ANAPC11: variants seen among roughly 807,000 people sequenced by gnomAD.
ANAPC11 encodes anaphase promoting complex subunit 11.
In ANAPC11, 5 loss-of-function variants were observed where a neutral mutation model predicts 11.8. The ratio of observed to expected loss-of-function variants is 0.42; its 90% confidence interval spans 0.22 to 0.89. The LOEUF (loss-of-function observed/expected upper bound fraction) is 0.89. Ranked by LOEUF, ANAPC11 falls within the 40% of genes least tolerant of loss-of-function variation. The pLI, the probability that ANAPC11 is intolerant of heterozygous loss-of-function variation, is 0.28. For synonymous variants in ANAPC11, 45 were observed against 41.0 expected (o/e 1.10, Z -0.38); for missense variants, 68 against 112.9 (o/e 0.60, Z 1.80).
chr17:81,895,582 G>A (rs868364473), intron 3 of ANAPC11, among the ~76,000 whole-genome samples: 1 of 152,058 alleles, frequency 6.6e-6, no homozygotes, highest in African/African-American at 2.4e-5. Context: ...AGGCCGAGGC[G>A]GGCGGATCAC....
upstream of ANAPC11, chr17:81,891,482 G>C: frequency 1.6e-6 from 2 of 1,214,166 alleles, no homozygotes; most frequent in South Asian, 1.8e-5. Context: ...CGCGGCCCCG[G>C]CCCCCGCCCC....
intron 1 of ANAPC11, among the ~76,000 whole-genome samples, chr17:81,892,299 C>G (rs1015464304): frequency 2.1e-4 from 32 of 151,722 alleles, no homozygotes; most frequent in Admixed American, 2.0e-3. Flanking sequence ...ATCGTGAGAC[C>G]CCCATCTCTA....
At chr17:81,895,050 C>CTTTTTTTTTTTTTTTTTTTTT (rs766422017) in intron 3 of ANAPC11, among the ~76,000 whole-genome samples, 1 of 85,070 alleles carries the variant, frequency 1.2e-5, no homozygotes, top group African/African-American at 5.1e-5. Context: ...TCTTTCTTTT[C>CTTTTTTTTTTTTTTTTTTTTT]TTTTTTTTTT....
intron 3 of ANAPC11, among the ~76,000 whole-genome samples, chr17:81,897,860 G>A (rs1181023356): frequency 6.6e-6 from 1 of 151,942 alleles, no homozygotes; most frequent in Non-Finnish European, 1.5e-5. Flanking sequence ...CAAACTCTTG[G>A]CTCTGTCCTG....
At chr17:81,890,914 C>T, upstream of ANAPC11, 1 of 1,561,780 alleles carries the variant, frequency 6.4e-7, no homozygotes, top group Non-Finnish European at 8.7e-7. Flanking sequence ...CTCTTCCCGG[C>T]CTGAGAGGAT....
At chr17:81,893,867 G>T (rs766240497) in intron 2 of ANAPC11, among the ~76,000 whole-genome samples, 1 of 151,360 alleles carries the variant, frequency 6.6e-6, no homozygotes, top group African/African-American at 2.4e-5. Flanking sequence ...AGAGTGCTGG[G>T]ATCACAGGTG....
At chr17:81,891,594 C>T, upstream of ANAPC11, 1 of 1,397,814 alleles carries the variant, frequency 7.2e-7, no homozygotes, top group Non-Finnish European at 9.3e-7. Context: ...CTCGAGCCCG[C>T]GCGTCAGCAC....
intron 1 of ANAPC11, among the ~76,000 whole-genome samples, 181 bp from the exon 2 acceptor site, chr17:81,893,371 C>A (rs907208224): frequency 5.9e-5 from 9 of 151,980 alleles, no homozygotes; most frequent in Middle Eastern, 3.2e-3. Context: ...GGATTACAGG[C>A]GTGAGCCACT....
At chr17:81,898,554 C>T (rs149676114) in intron 3 of ANAPC11, 1 of 152,432 alleles carries the variant, frequency 6.6e-6, no homozygotes, top group East Asian at 1.9e-4. Flanking sequence ...ACGCGCAAAG[C>T]GTTTGACGAG....
chr17:81,899,287 C>T (rs543571216), intron 3 of ANAPC11: 290 of 1,612,860 alleles, frequency 1.8e-4, no homozygotes, highest in Admixed American at 4.7e-4. Context: ...GGCTGGTGCC[C>T]GCAGCCTGTG....
chr17:81,895,982 T>C (rs1264976300), intron 3 of ANAPC11, among the ~76,000 whole-genome samples: 1 of 151,586 alleles, frequency 6.6e-6, no homozygotes, highest in African/African-American at 2.4e-5. Context: ...ATTTGAAAAT[T>C]CTCAAAATTG....
chr17:81,900,319 A>G, downstream of ANAPC11: 1 of 568,768 alleles, frequency 1.8e-6, no homozygotes, highest in Admixed American at 3.3e-5. Context: ...TTTTGATATG[A>G]AAACTCTCAT....
At chr17:81,896,611 G>A (rs1160997742) in intron 3 of ANAPC11, among the ~76,000 whole-genome samples, 2 of 152,018 alleles carry the variant, frequency 1.3e-5, no homozygotes, top group Non-Finnish European at 2.9e-5. Flanking sequence ...GTGGGGAATG[G>A]GGAGGACCGA....
chr17:81,891,576 G>A, upstream of ANAPC11: 2 of 1,435,740 alleles, frequency 1.4e-6, no homozygotes, highest in South Asian at 1.3e-5. Context: ...CGCGGAATCG[G>A]GCATCGGCTC....
upstream of ANAPC11, chr17:81,891,134 G>C: frequency 1.6e-6 from 1 of 607,492 alleles, no homozygotes; most frequent in East Asian, 4.0e-5. Context: ...CTCCGGGACC[G>C]GACCCCGAAA....
At chr17:81,897,709 C>T (rs2039790730) in intron 3 of ANAPC11, among the ~76,000 whole-genome samples, 1 of 152,114 alleles carries the variant, frequency 6.6e-6, no homozygotes, top group Non-Finnish European at 1.5e-5. Context: ...GTCTTGAACT[C>T]CTGGGCTCAA....
downstream of ANAPC11, chr17:81,900,274 C>A: frequency 1.4e-6 from 1 of 705,874 alleles, no homozygotes; most frequent in Non-Finnish European, 2.3e-6. Flanking sequence ...CTCTGGGTGC[C>A]TGTGTTCTCG....
chr17:81,890,917 G>A (rs906820307), upstream of ANAPC11: 13 of 1,552,066 alleles, frequency 8.4e-6, no homozygotes, highest in African/African-American at 1.6e-4. Context: ...TTCCCGGCCT[G>A]AGAGGATCCG....
At chr17:81,891,623 G>A, upstream of ANAPC11, 1 of 1,345,880 alleles carries the variant, frequency 7.4e-7, no homozygotes, top group Non-Finnish European at 9.6e-7. Flanking sequence ...GTCACTTCCG[G>A]CGCCGCGTGA....
Sources: gnomAD v4.1 joint callset for allele counts (sites outside exome capture counted in the v4.1 genomes callset) on GRCh38, gnomAD v4.1.1 for gene constraint, MANE v1.5 for transcripts, NCBI Gene and HGNC (gene_info 2026-07-23, HGNC 2026-07-21) for gene names.